DNAH11: variants seen among roughly 807,000 people sequenced by gnomAD.
DNAH11 encodes dynein axonemal heavy chain 11, also known as axonemal beta dynein heavy chain 11.
A neutral mutation model predicts 526.0 loss-of-function variants in DNAH11; 442 were observed. The observed-to-expected ratio is 0.84, with a 90% CI of 0.78 to 0.91. The LOEUF is 0.91. DNAH11 is among the 40% of genes least tolerant of loss of function. The pLI, the probability that DNAH11 is intolerant of heterozygous loss-of-function variation, is 0.00. For synonymous variants in DNAH11, 2,461 were observed against 1,935.9 expected, an observed-to-expected ratio of 1.27 and a Z score of -7.12; for missense variants, 6,989 against 5,448.7, an observed-to-expected ratio of 1.28 and a Z score of -8.90.
chr7:21,795,879 C>T (rs966556989), intron 61 of DNAH11, among the ~76,000 whole-genome samples: 2 of 152,168 alleles, frequency 1.3e-5, no homozygotes, highest in African/African-American at 4.8e-5. Flanking sequence ...TTTGGAGGAG[C>T]AGTTTCCTCT....
intron 30 of DNAH11, among the ~76,000 whole-genome samples, chr7:21,662,398 A>G (rs762978045): frequency 4.6e-5 from 7 of 152,134 alleles, no homozygotes; most frequent in South Asian, 2.1e-4. Flanking sequence ...CCATCCATCA[A>G]TTCATTTTGT....
At chr7:21,544,023 C>T (rs780205189) in intron 1 of DNAH11, among the ~76,000 whole-genome samples, 4 of 152,108 alleles carry the variant, frequency 2.6e-5, no homozygotes, top group Admixed American at 6.5e-5. Flanking sequence ...ATTTTGATTA[C>T]GTGCCAACAA....
chr7:21,657,296 C>T (rs564666720), intron 29 of DNAH11, among the ~76,000 whole-genome samples: 2 of 152,172 alleles, frequency 1.3e-5, no homozygotes, highest in South Asian at 2.1e-4. Flanking sequence ...TGGGGAGTTC[C>T]GAAATGGCCC....
At chr7:21,682,012 CTG>C (rs1167168069) in intron 31 of DNAH11, among the ~76,000 whole-genome samples, 7 of 152,168 alleles carry the variant, frequency 4.6e-5, no homozygotes, top group Admixed American at 2.6e-4. Flanking sequence ...AGCCTCAACT[CTG>C]TGACTTACAC....
intron 70 of DNAH11, among the ~76,000 whole-genome samples, chr7:21,865,475 G>T (rs1391363449): frequency 6.6e-6 from 1 of 152,140 alleles, no homozygotes; most frequent in Non-Finnish European, 1.5e-5. Context: ...CATAGTATGG[G>T]CAAGAAGGAT....
At chr7:21,552,653 T>C (rs7801280) in intron 2 of DNAH11, among the ~76,000 whole-genome samples, 55,432 of 152,026 alleles carry the variant, frequency 0.36, 10,382 homozygotes, top group East Asian at 0.61. Flanking sequence ...CAGGACCTTT[T>C]CTAAGATTTG....
Position 21,741,997 on chromosome 7 carries a change from T to G in DNAH11, c.7985T>G (p.Phe2662Cys). The G allele has an allele frequency of 1.2e-6, 2 of 1,613,982 alleles. No homozygotes were observed. Among genetic ancestry groups the G allele is most frequent in the African/African-American group, 1.3e-5 (1 of 75,048 alleles). Residue 2662 changes from phenylalanine to cysteine, a missense_variant, in exon 49 of 82, where the codon TTT (phenylalanine) becomes TGT (cysteine). Transcript: ENST00000409508. The stretch of plus-strand genomic sequence containing the variant: ...CTAAACACCATCTATGGCCAAATCT[T>G]TAGCTTCCATTTCCAACAGCAAGCA... Reference protein sequence around the residue: ...DALNTIYGQIFSFHFQQQAFA... With the variant: ...DALNTIYGQICSFHFQQQAFA...
chr7:21,734,429 TA>T (rs1785517893), intron 45 of DNAH11, among the ~76,000 whole-genome samples: 1 of 152,366 alleles, frequency 6.6e-6, no homozygotes, highest in Admixed American at 6.5e-5. Flanking sequence ...GCAGCTCGAA[TA>T]TTTTTTAAAG....
chr7:21,887,268 A>G (rs1202949435), intron 76 of DNAH11, among the ~76,000 whole-genome samples: 2 of 152,202 alleles, frequency 1.3e-5, no homozygotes, highest in African/African-American at 2.4e-5. Flanking sequence ...TTGCTCTCAG[A>G]GAGAGTTCTC....
Position 21,756,255 on chromosome 7 carries a change from C to G in DNAH11, c.8940+5891C>G, listed in dbSNP as rs182246230. The stretch of plus-strand genomic sequence containing the variant: ...TTCCTACTGTTCCACCCCTGAATAC[C>G]CTCAACACCGTTTATTATATAATCT... On this transcript the variant is annotated intron_variant, in intron 54 of 81. Coordinates refer to ENST00000409508, the MANE Select transcript of DNAH11 (RefSeq NM_001277115.2). Among the ~76,000 whole-genome samples the G allele has an allele frequency of 5.3e-4, 80 of 151,918 alleles. No homozygotes were observed. The East Asian group carries it at 0.015, about 28-fold the overall frequency.
At position 21,765,610 on chromosome 7, in the gene DNAH11, T is replaced by TCAGACA. The variant is rs71557520; in HGVS notation, c.9102+23_9102+24insGACACA. 8.7e-4 allele frequency: 832 copies of TCAGACA among 956,488 alleles called. 10 individuals carry two copies. The African/African-American group carries it at 0.012, about 14-fold the overall frequency. The allele number at this position is 956,488 out of a possible 1,614,324, so 59.3% of individuals were successfully genotyped here. ...TTGAGGTATGCCGTGTCAGCCTGCGTCACACACACACACACACACACACAC... is the reference window on the plus strand; with the variant it reads ...TTGAGGTATGCCGTGTCAGCCTGCGTCAGACACACACACACACACACACACACACAC... On this transcript the variant is annotated intron_variant, in intron 55 of 81. Transcript: ENST00000409508.
intron 25 of DNAH11, among the ~76,000 whole-genome samples, chr7:21,628,049 A>G (rs1439327956): frequency 6.6e-6 from 1 of 151,950 alleles, no homozygotes; most frequent in Non-Finnish European, 1.5e-5. Flanking sequence ...ATTTGTAGCT[A>G]TTGTAAATGT....
At chr7:21,818,719 T>C (rs1789924386) in intron 65 of DNAH11, among the ~76,000 whole-genome samples, 2 of 152,188 alleles carry the variant, frequency 1.3e-5, no homozygotes, top group Non-Finnish European at 2.9e-5. Flanking sequence ...TTAATTAGAT[T>C]TTAAATCCAT....
intron 40 of DNAH11, among the ~76,000 whole-genome samples, chr7:21,708,294 C>T (rs1246399999): frequency 6.6e-6 from 1 of 152,216 alleles, no homozygotes; most frequent in Non-Finnish European, 1.5e-5. Flanking sequence ...AATGCGCTAA[C>T]CTTGGCATCA....
At chr7:21,900,840 A>ACCTACCTTTCAAAGCTCAGTC in intron 81 of DNAH11, 167 bp from the exon 82 acceptor site, 2 of 1,134,870 alleles carry the variant, frequency 1.8e-6, no homozygotes, top group Non-Finnish European at 2.4e-6. Context: ...AGGCAGGGTA[A>ACCTACCTTTCAAAGCTCAGTC]CCTACCTTTC....
intron 77 of DNAH11, among the ~76,000 whole-genome samples, chr7:21,892,993 T>C (rs567200179): frequency 1.6e-4 from 25 of 152,346 alleles, no homozygotes; most frequent in African/African-American, 6.0e-4. Context: ...ATTTGTGAGA[T>C]TCATCCATGT....
intron 68 of DNAH11, 31 bp from the exon 69 acceptor site, chr7:21,861,822 C>A: frequency 1.2e-6 from 2 of 1,608,410 alleles, no homozygotes; most frequent in South Asian, 2.2e-5. Context: ...CACCAGTTGT[C>A]ACATTTTAAT....
At chr7:21,844,791 G>T (rs1052454100) in intron 66 of DNAH11, among the ~76,000 whole-genome samples, 1 of 152,226 alleles carries the variant, frequency 6.6e-6, no homozygotes, top group Non-Finnish European at 1.5e-5. Flanking sequence ...CTCATAGTCT[G>T]TGTGAGGCTG....
chr7:21,853,030 A>C (rs1215546383), intron 67 of DNAH11, among the ~76,000 whole-genome samples: 4 of 152,208 alleles, frequency 2.6e-5, no homozygotes, highest in Non-Finnish European at 5.9e-5. Context: ...TCTTAGAGTG[A>C]AAGTTTTGTT....
Sources: allele counts gnomAD v4.1 joint callset (sites outside exome capture counted in the v4.1 genomes callset), GRCh38; gene constraint gnomAD v4.1.1; transcripts MANE v1.5; gene names NCBI Gene and HGNC (gene_info 2026-07-23, HGNC 2026-07-21).